The following XIRP2 variants were observed in gnomAD, a reference collection of about 807,000 sequenced individuals.
XIRP2 encodes xin actin binding repeat containing 2.
A neutral mutation model predicts 277.0 loss-of-function variants in XIRP2; 236 were observed. The ratio of observed to expected loss-of-function variants is 0.85; its 90% confidence interval spans 0.77 to 0.95. XIRP2 has a LOEUF of 0.95. Ranked by LOEUF, XIRP2 falls within the 40% of genes least tolerant of loss-of-function variation. XIRP2 has a pLI of 0.00. For missense variants in XIRP2, 4,640 were observed against 4,157.5 expected, an observed-to-expected ratio of 1.12 and a Z score of -3.19; for synonymous variants, 1,490 against 1,416.5, an observed-to-expected ratio of 1.05 and a Z score of -1.17.
intron 2 of XIRP2, among the ~76,000 whole-genome samples, chr2:166,964,925 C>T (rs918606514): frequency 2.6e-5 from 4 of 151,764 alleles, no homozygotes; most frequent in African/African-American, 9.7e-5. Context: ...TGTTTGTCCT[C>T]ATACTATATA....
At chr2:167,047,849 A>G (rs12618272) in intron 2 of XIRP2, among the ~76,000 whole-genome samples, 1 of 152,018 alleles carries the variant, frequency 6.6e-6, no homozygotes, top group African/African-American at 2.4e-5. Flanking sequence ...GGAGGGGTGT[A>G]TATGTATAAA....
intron 2 of XIRP2, among the ~76,000 whole-genome samples, chr2:166,909,946 A>T (rs1431762943): frequency 6.6e-6 from 1 of 152,188 alleles, no homozygotes; most frequent in Non-Finnish European, 1.5e-5. Context: ...CCAGCCTTGC[A>T]TCCCAGGGAT....
Position 167,250,345 on chromosome 2 carries a change from G to C in XIRP2, c.8953G>C (p.Gly2985Arg), listed in dbSNP as rs1165610172. The change falls in exon 9 of 11, where the codon GGA becomes CGA. Residue 2985 changes from glycine to arginine, a missense_variant. Gly to Arg is a moderately radical substitution (Grantham distance 125, BLOSUM62 -2). Transcript: ENST00000409195. ...TCAGACACTATTAAATACTATCCCAGGATGGCTGATAAGTGAAGATAAGAG... is the reference window on the plus strand; with the variant it reads ...TCAGACACTATTAAATACTATCCCACGATGGCTGATAAGTGAAGATAAGAG... ...TFQTLLNTIP[G>R]WLISEDKREY... The C allele has an allele frequency of 3.1e-6, 5 of 1,613,382 alleles. No homozygotes were observed. The African/African-American group carries it at 4.0e-5, about 13-fold the overall frequency.
intron 2 of XIRP2, among the ~76,000 whole-genome samples, chr2:167,123,272 C>G (rs1465390075): frequency 6.6e-6 from 1 of 152,018 alleles, no homozygotes; most frequent in Admixed American, 6.6e-5. Context: ...TTTAATTCAT[C>G]CATTGGGGGT....
At chr2:167,052,482 C>G (rs7601938) in intron 2 of XIRP2, among the ~76,000 whole-genome samples, 5,377 of 152,128 alleles carry the variant, frequency 0.035, 180 homozygotes, top group African/African-American at 0.087. Flanking sequence ...GTGGTTTACC[C>G]AACATCAGGT....
chr2:167,236,625 A>G (rs1319995180), intron 5 of XIRP2, among the ~76,000 whole-genome samples: 5 of 151,930 alleles, frequency 3.3e-5, no homozygotes, highest in East Asian at 1.9e-4. Flanking sequence ...TGACTTCATG[A>G]TTTTTCCCAA....
chr2:167,096,804 G>A (rs964453982), intron 2 of XIRP2, among the ~76,000 whole-genome samples: 7 of 151,736 alleles, frequency 4.6e-5, no homozygotes, highest in Admixed American at 1.3e-4. Flanking sequence ...TTTTATTTAC[G>A]CAGTAGTCAC....
intron 2 of XIRP2, among the ~76,000 whole-genome samples, chr2:166,978,211 C>T (rs948648774): frequency 6.6e-6 from 1 of 152,026 alleles, no homozygotes; most frequent in African/African-American, 2.4e-5. Context: ...TGTTTATTTG[C>T]ACTCTATTCT....
intron 3 of XIRP2, among the ~76,000 whole-genome samples, chr2:167,145,596 C>G (rs1691842381): frequency 6.6e-6 from 1 of 151,858 alleles, no homozygotes; most frequent in African/African-American, 2.4e-5. Context: ...AGCATGTTTC[C>G]AAAAAAGAAA....
At position 167,243,889 on chromosome 2, in the gene XIRP2, AT is replaced by A; in HGVS notation, c.2498del (p.Ile833LysfsTer2). 6.2e-7 allele frequency: 1 copy of A among 1,614,024 alleles called. No homozygotes were observed. The highest frequency in any genetic ancestry group is 8.5e-7 in the Non-Finnish European group (1 of 1,179,948). ...SEEVIIEKEK[I>X]IGTDVSRKCW... is the part of the protein sequence containing the mutation. ...AGAGGTCATCATTGAAAAGGAAAAA[AT>A]AATAGGTACAGATGTCTCCAGAAAG... is the stretch of plus-strand genomic sequence containing the variant. On this transcript the variant is annotated frameshift_variant, in exon 9 of 11. Transcript: ENST00000409195. LOFTEE classifies it high-confidence loss of function.
intron 2 of XIRP2, among the ~76,000 whole-genome samples, chr2:167,072,792 A>G (rs890472025): frequency 8.5e-5 from 13 of 152,170 alleles, no homozygotes; most frequent in Admixed American, 3.3e-4. Flanking sequence ...TTGCTAACAT[A>G]CAAAGCTGAT....
At chr2:167,077,006 T>C (rs978194632) in intron 2 of XIRP2, among the ~76,000 whole-genome samples, 1 of 151,788 alleles carries the variant, frequency 6.6e-6, no homozygotes, top group African/African-American at 2.4e-5. Flanking sequence ...CATTTTTGTG[T>C]GTTTTTTTGT....
intron 2 of XIRP2, among the ~76,000 whole-genome samples, chr2:167,126,418 G>A (rs944337992): frequency 2.0e-5 from 3 of 152,084 alleles, no homozygotes; most frequent in Admixed American, 1.3e-4. Context: ...ATTCATGGAG[G>A]AGAAATAGCC....
intron 3 of XIRP2, among the ~76,000 whole-genome samples, chr2:167,156,600 T>C (rs1409248509): frequency 2.0e-5 from 3 of 152,192 alleles, no homozygotes; most frequent in African/African-American, 7.2e-5. Flanking sequence ...CTAGTAGATA[T>C]TCAATGATTA....
intron 2 of XIRP2, among the ~76,000 whole-genome samples, chr2:167,082,827 T>C (rs1050763752): frequency 3.9e-5 from 6 of 152,224 alleles, no homozygotes; most frequent in Non-Finnish European, 8.8e-5. Context: ...CAGTTCATTG[T>C]AGATTCTGGA....
intron 2 of XIRP2, among the ~76,000 whole-genome samples, chr2:166,914,182 G>A (rs982247026): frequency 6.6e-6 from 1 of 152,132 alleles, no homozygotes; most frequent in Non-Finnish European, 1.5e-5. Flanking sequence ...ATGATGCAGG[G>A]CCATGACCCA....
intron 2 of XIRP2, among the ~76,000 whole-genome samples, chr2:167,099,667 G>T (rs917351011): frequency 2.7e-4 from 41 of 152,254 alleles, no homozygotes; most frequent in South Asian, 1.2e-3. Context: ...CTGGTCTGTG[G>T]GTTGCACAGA....
At position 167,243,769 on chromosome 2, in the gene XIRP2, C is replaced by T. The variant is rs374843236; in HGVS notation, c.2377C>T (p.Arg793Ter). 54 of 1,613,720 alleles carry T rather than the reference C, an allele frequency of 3.3e-5. No individual in the cohort carries two copies. The highest frequency in any genetic ancestry group is 2.9e-4 in the East Asian group (13 of 44,846). The change falls in exon 9 of 11, where the codon CGA (arginine) becomes TGA (stop). Residue 793 changes from arginine to a stop codon, truncating the protein, a stop_gained. Coordinates refer to ENST00000409195, the MANE Select transcript of XIRP2 (RefSeq NM_152381.6). LOFTEE classifies it high-confidence loss of function. Reference protein sequence around the residue: ...NKDITEIKVVRGISMEENVKG... With the variant: ...NKDITEIKVV ...AGATATCACAGAAATTAAAGTTGTC[C>T]GAGGAATATCCATGGAAGAAAATGT...
intron 3 of XIRP2, among the ~76,000 whole-genome samples, chr2:167,175,016 T>G (rs1158468360): frequency 6.6e-6 from 1 of 152,178 alleles, no homozygotes; most frequent in Non-Finnish European, 1.5e-5. Context: ...ATGTGGTCAA[T>G]TTTAGAATAA....
Sources: allele counts gnomAD v4.1 joint callset (sites outside exome capture counted in the v4.1 genomes callset), GRCh38; gene constraint gnomAD v4.1.1; transcripts MANE v1.5; gene names NCBI Gene and HGNC (gene_info 2026-07-23, HGNC 2026-07-21).